The following SYNE2 variants were observed in gnomAD, a reference collection of about 807,000 sequenced individuals.
SYNE2 encodes nesprin-2.
SYNE2 carries 431 observed loss-of-function variants against 856.3 expected under a neutral mutation model. The ratio of observed to expected loss-of-function variants is 0.50; its 90% CI spans 0.47 to 0.55. SYNE2 has a LOEUF of 0.55. Ranked by LOEUF, SYNE2 falls within the 20% of genes least tolerant of loss-of-function variation. The probability of loss-of-function intolerance (pLI) is 0.00; values close to 1 mark genes in which losing one functional copy is unlikely to be tolerated. For missense variants in SYNE2, 8,129 were observed against 8,023.2 expected (o/e 1.01, Z -0.50); for synonymous variants, 2,923 against 2,872.3 (o/e 1.02, Z -0.56).
intron 99 of SYNE2, chr14:64,202,295 T>A: frequency 1.4e-6 from 1 of 702,348 alleles, no homozygotes; most frequent in Non-Finnish European, 2.6e-6. Context: ...CTCTGCTTAC[T>A]CAGAGAGGAG....
Position 63,940,613 on chromosome 14 carries a change from G to A in SYNE2, c.80-1G>A. Reference sequence around the variant, plus strand: ...AACTGCTGTTGTTCTTTCTTTGATAGCTGAACAGGAAGACACCCAGAAGAA... The same window carrying A: ...AACTGCTGTTGTTCTTTCTTTGATAACTGAACAGGAAGACACCCAGAAGAA... On this transcript the variant is annotated splice_acceptor_variant, in intron 2 of 115. Coordinates refer to ENST00000555002, the MANE Select transcript of SYNE2 (RefSeq NM_182914.3). LOFTEE classifies it high-confidence loss of function. 1 of 1,614,070 alleles carries A rather than the reference G, an allele frequency of 6.2e-7. No individual in the cohort carries two copies. The highest frequency in any genetic ancestry group is 1.1e-5 in the South Asian group (1 of 91,074).
chr14:64,151,664 A>G (rs1372223617), intron 84 of SYNE2, among the ~76,000 whole-genome samples: 1 of 152,176 alleles, frequency 6.6e-6, no homozygotes, highest in Non-Finnish European at 1.5e-5. Context: ...TTCAGAACAC[A>G]TGCATCTGGA....
At chr14:63,871,920 A>G (rs1470681083) in intron 1 of SYNE2, among the ~76,000 whole-genome samples, 2 of 152,174 alleles carry the variant, frequency 1.3e-5, no homozygotes, top group Non-Finnish European at 2.9e-5. Flanking sequence ...GAAATAAAAT[A>G]TTGCTAATTT....
In SYNE2 at chr14:64,089,611, A is replaced by G; in HGVS notation, c.11708A>G (p.Glu3903Gly). The G allele has an allele frequency of 6.2e-7, 1 of 1,609,810 alleles. No individual in the cohort carries two copies. Among genetic ancestry groups the G allele is most frequent in the Non-Finnish European group, 8.5e-7 (1 of 1,176,922 alleles). ...ATTGAATCTGAAGTAAAATCAATGG[A>G]AAAAAGAGTTTCAAAAATCAAAACT... ...VAIESEVKSM[E>G]KRVSKIKTIL... The change falls in exon 59 of 116, where the codon GAA (glutamate) becomes GGA (glycine). Residue 3903 changes from glutamate (E) to glycine (G), a missense_variant. Glu to Gly is a moderately conservative substitution (Grantham distance 98). Around this residue, in one of 3 missense-constraint regions of SYNE2, gnomAD observed 5,410 missense variants for 5,284.8 expected, o/e 1.02. Coordinates refer to ENST00000555002, the MANE Select transcript of SYNE2 (RefSeq NM_182914.3).
intron 1 of SYNE2, among the ~76,000 whole-genome samples, chr14:63,907,477 A>G (rs2095422107): frequency 6.6e-6 from 1 of 152,186 alleles, no homozygotes; most frequent in East Asian, 1.9e-4. Flanking sequence ...AGATAACTGT[A>G]GTTCCTAACT....
chr14:63,788,030 C>T (rs1340212720), intron 1 of SYNE2, among the ~76,000 whole-genome samples: 1 of 152,338 alleles, frequency 6.6e-6, no homozygotes, highest in East Asian at 1.9e-4. Context: ...CTTCCCCTCT[C>T]ACGCTCGTGG....
chr14:63,851,929 A>G (rs1455814500), upstream of SYNE2, among the ~76,000 whole-genome samples: 3 of 138,048 alleles, frequency 2.2e-5, no homozygotes, highest in South Asian at 2.4e-4. Flanking sequence ...AAAAAATGCA[A>G]AAATTACCGG....
intron 45 of SYNE2, 145 bp downstream of exon 45, chr14:64,031,502 A>C (rs1594986860): frequency 5.3e-6 from 4 of 758,754 alleles, no homozygotes; most frequent in Admixed American, 4.8e-5. Flanking sequence ...TACTTGTAAA[A>C]AGAGCTCTTA....
intron 66 of SYNE2, among the ~76,000 whole-genome samples, 199 bp from the exon 67 acceptor site, chr14:64,119,228 T>C (rs1567354707): frequency 6.6e-6 from 1 of 152,210 alleles, no homozygotes. Context: ...CATGTGTAAT[T>C]GGGATTGGTT....
chr14:63,946,712 A>T (rs182866330), intron 6 of SYNE2, among the ~76,000 whole-genome samples: 21 of 149,582 alleles, frequency 1.4e-4, no homozygotes, highest in Admixed American at 4.0e-4. Context: ...ACTGGACAAA[A>T]GTCCTTTGTA....
intron 1 of SYNE2, among the ~76,000 whole-genome samples, chr14:63,801,674 C>G (rs1022430414): frequency 6.7e-6 from 1 of 149,126 alleles, no homozygotes; most frequent in Non-Finnish European, 1.5e-5. Flanking sequence ...AACTCCATCT[C>G]GAAAAAAAAA....
intron 28 of SYNE2, among the ~76,000 whole-genome samples, chr14:64,001,179 A>G (rs1024804910): frequency 2.0e-5 from 3 of 152,202 alleles, no homozygotes; most frequent in Admixed American, 6.5e-5. Context: ...ATGGTCACAC[A>G]TTTCAATTTA....
At chr14:63,898,793 C>T (rs1410742484) in intron 1 of SYNE2, among the ~76,000 whole-genome samples, 2 of 152,132 alleles carry the variant, frequency 1.3e-5, no homozygotes, top group Non-Finnish European at 2.9e-5. Context: ...TCTACCCTAA[C>T]ACTTGATTCG....
rs2097948830 is a variant in SYNE2 at position 64,126,612 on chromosome 14, G to A, written c.13722G>A (p.Glu4574=). ...QQVHYETLAL[E]LKKLYLALSD... is the part of the protein sequence containing the mutation. ...CTCCACTCCAGACGCTGGCTCTTGA[G>A]TTGAAGAAACTTTATTTAGCGCTAA... Residue 4574 remains glutamate (E), a synonymous_variant, in exon 73 of 116, where the codon GAG becomes GAA. Coordinates refer to ENST00000555002, the MANE Select transcript of SYNE2 (RefSeq NM_182914.3). 6.2e-7 allele frequency: 1 copy of A among 1,614,220 alleles called. No individual in the cohort carries two copies. Among genetic ancestry groups the A allele is most frequent in the Non-Finnish European group, 8.5e-7 (1 of 1,180,032 alleles).
At position 64,007,070 on chromosome 14, in the gene SYNE2, G is replaced by A. The variant is rs1217726982; in HGVS notation, c.4425G>A (p.Lys1475=). 2 of 1,613,536 alleles carry A rather than the reference G, an allele frequency of 1.2e-6. No individual in the cohort carries two copies. Among genetic ancestry groups the A allele is most frequent in the Admixed American group, 1.7e-5 (1 of 60,012 alleles). ...AAAAATCATTAATCAGACTGGATAA[G>A]GTTCTAGATGAATATGAAGAAGAGA... ...HRKKSLIRLD[K]VLDEYEEEKR... The change falls in exon 31 of 116, where the codon AAG becomes AAA. Residue 1475 remains lysine (K), a synonymous_variant. Transcript: ENST00000555002.
chr14:64,126,839 A>C, intron 73 of SYNE2, 32 bp downstream of exon 73: 2 of 1,603,244 alleles, frequency 1.2e-6, no homozygotes. Flanking sequence ...CTATTTTGGC[A>C]CTGTTTTAAG....
chr14:64,059,058 T>A (rs1595207094), intron 49 of SYNE2, among the ~76,000 whole-genome samples: 1 of 152,184 alleles, frequency 6.6e-6, no homozygotes, highest in East Asian at 1.9e-4. Context: ...ATAGGATTTT[T>A]AATTCCTTCT....
chr14:64,213,955 TTTTC>T (rs1398712805), intron 105 of SYNE2, among the ~76,000 whole-genome samples: 1 of 152,236 alleles, frequency 6.6e-6, no homozygotes, highest in Non-Finnish European at 1.5e-5. Flanking sequence ...TTCAGCTTTT[TTTTC>T]CTAAGAAAAA....
chr14:63,924,875 G>A (rs1375488801), intron 2 of SYNE2, among the ~76,000 whole-genome samples: 1 of 88,832 alleles, frequency 1.1e-5, no homozygotes, highest in Non-Finnish European at 2.1e-5. Flanking sequence ...CCTTACTCCA[G>A]TGCAATGTTG....
Sources: allele counts gnomAD v4.1 joint callset (sites outside exome capture counted in the v4.1 genomes callset), GRCh38; gene constraint gnomAD v4.1.1; regional missense constraint gnomAD v4.1.1; transcripts MANE v1.5; gene names NCBI Gene and HGNC (gene_info 2026-07-23, HGNC 2026-07-21).